The following GSE1 variants were observed in gnomAD, a reference collection of about 807,000 sequenced individuals.
GSE1 encodes the protein genetic suppressor element 1.
Under a neutral mutation model 112.6 loss-of-function variants are expected in GSE1, and 32 were observed. The observed-to-expected ratio is 0.28, with a 90% confidence interval of 0.21 to 0.38. GSE1 has a LOEUF of 0.38. GSE1 is among the 10% of genes least tolerant of loss of function. The pLI is 1.00. For synonymous variants in GSE1, 1,115 were observed against 735.6 expected (o/e 1.52, Z -8.35); for missense variants, 2,348 against 1,699.2 (o/e 1.38, Z -6.71).
chr16:85,471,960 A>C (rs2050309089), intron 2 of GSE1, among the ~76,000 whole-genome samples: 1 of 152,202 alleles, frequency 6.6e-6, no homozygotes, highest in South Asian at 2.1e-4. Flanking sequence ...TTTACACCTT[A>C]AGGCACCGTA....
chr16:85,272,719 G>A (rs906082690), intron 1 of GSE1, among the ~76,000 whole-genome samples: 1 of 150,438 alleles, frequency 6.6e-6, no homozygotes, highest in Admixed American at 6.6e-5. Flanking sequence ...TCCTTGCAAG[G>A]GGGCCCTACT....
chr16:85,627,692 T>C (rs942583819), intron 1 of GSE1, among the ~76,000 whole-genome samples: 3 of 145,880 alleles, frequency 2.1e-5, no homozygotes, highest in Non-Finnish European at 4.5e-5. Flanking sequence ...CCCCCGGCCC[T>C]CATCCGTCAC....
At chr16:85,597,933 G>C (rs1387183416) in intron 1 of GSE1, among the ~76,000 whole-genome samples, 1 of 152,218 alleles carries the variant, frequency 6.6e-6, no homozygotes, top group East Asian at 1.9e-4. Context: ...CCTTTCTTAC[G>C]GGTAGAGATC....
At chr16:85,338,969 G>A (rs2046563943) in intron 1 of GSE1, among the ~76,000 whole-genome samples, 1 of 152,240 alleles carries the variant, frequency 6.6e-6, no homozygotes, top group Non-Finnish European at 1.5e-5. Flanking sequence ...CTCATCCTGT[G>A]AGCGTCGTCG....
intron 2 of GSE1, among the ~76,000 whole-genome samples, chr16:85,638,350 G>A (rs548611276): frequency 2.6e-5 from 4 of 152,318 alleles, no homozygotes; most frequent in African/African-American, 7.2e-5. Context: ...CCGCCCACCA[G>A]CGCGGGCCAG....
chr16:85,478,941 C>T (rs1361205412), intron 2 of GSE1, among the ~76,000 whole-genome samples: 3 of 104,216 alleles, frequency 2.9e-5, no homozygotes, highest in African/African-American at 1.1e-4. Flanking sequence ...TTCTTTCTTT[C>T]TTTCTTTTTT....
rs1385762017 is a variant in GSE1 at position 85,419,515 on chromosome 16, A to G, written c.2464+61872A>G. On this transcript the variant is annotated intron_variant, in intron 2 of 2. Coordinates refer to the GSE1 transcript ENST00000637419. The surrounding 1 kb of genome is among the most constrained non-coding windows in gnomAD (Gnocchi z 6.5). ...TAGCTACTCGGGAGGCTGAGGTGGG[A>G]GGATCGCCTGACCCTGGGAAATCGA... is the stretch of plus-strand genomic sequence containing the variant. Among the ~76,000 whole-genome samples the G allele has an allele frequency of 2.0e-5, 3 of 151,824 alleles. No homozygotes were observed. Among genetic ancestry groups the G allele is most frequent in the Non-Finnish European group, 2.9e-5 (2 of 67,946 alleles).
At chr16:85,296,117 G>C (rs536883135) in intron 1 of GSE1, among the ~76,000 whole-genome samples, 1 of 152,120 alleles carries the variant, frequency 6.6e-6, no homozygotes, top group African/African-American at 2.4e-5. Flanking sequence ...TCAAGGCTGA[G>C]GGGGGATGTG....
At chr16:85,635,980 G>T (rs575450008) in intron 2 of GSE1, among the ~76,000 whole-genome samples, 3 of 152,352 alleles carry the variant, frequency 2.0e-5, no homozygotes, top group African/African-American at 7.2e-5. Context: ...GCCCCATGCT[G>T]CTGGCCCCAG....
intron 2 of GSE1, among the ~76,000 whole-genome samples, chr16:85,540,872 A>T (rs909027892): frequency 4.6e-5 from 7 of 152,132 alleles, no homozygotes; most frequent in African/African-American, 1.7e-4. Flanking sequence ...GCACCACTGC[A>T]CTCCGGCCTG....
chr16:85,358,469 C>T (rs2046998509), intron 2 of GSE1, among the ~76,000 whole-genome samples: 1 of 152,204 alleles, frequency 6.6e-6, no homozygotes, highest in Non-Finnish European at 1.5e-5. Flanking sequence ...GACTTGAGAC[C>T]CCCAGCCCAG....
At chr16:85,599,325 T>A (rs1388733506) in intron 1 of GSE1, among the ~76,000 whole-genome samples, 1 of 152,218 alleles carries the variant, frequency 6.6e-6, no homozygotes, top group Non-Finnish European at 1.5e-5. Context: ...CGAGGTGAGC[T>A]GGTGTCATGG....
intron 1 of GSE1, among the ~76,000 whole-genome samples, chr16:85,349,539 G>A (rs2046810633): frequency 6.6e-6 from 1 of 152,038 alleles, no homozygotes; most frequent in African/African-American, 2.4e-5. Context: ...CCCAGCAGGG[G>A]CAGGGGCCTC....
chr16:85,331,442 C>CGT (rs2046351361), intron 1 of GSE1, among the ~76,000 whole-genome samples: 1 of 93,576 alleles, frequency 1.1e-5, no homozygotes, highest in African/African-American at 4.1e-5. Context: ...TATATATATG[C>CGT]GTATATATGT....
chr16:85,424,391 G>A (rs2048919959), intron 2 of GSE1, among the ~76,000 whole-genome samples: 1 of 152,202 alleles, frequency 6.6e-6, no homozygotes, highest in African/African-American at 2.4e-5. Flanking sequence ...CTGGTGAGAG[G>A]CCAGACCTTC....
intron 2 of GSE1, among the ~76,000 whole-genome samples, chr16:85,647,254 T>C (rs2050951161): frequency 6.6e-6 from 1 of 152,122 alleles, no homozygotes; most frequent in African/African-American, 2.4e-5. Context: ...CTGCCTGCCC[T>C]GCACCCTCCC....
At chr16:85,235,429 T>C (rs1321075450) in intron 1 of GSE1, among the ~76,000 whole-genome samples, 8 of 7,766 alleles carry the variant, frequency 1.0e-3, no homozygotes, top group African/African-American at 2.6e-3. Flanking sequence ...GGAAGGGTAC[T>C]GTGTGTGTGT....
At chr16:85,230,660 T>A (rs905446006) in intron 1 of GSE1, among the ~76,000 whole-genome samples, 2 of 152,190 alleles carry the variant, frequency 1.3e-5, no homozygotes, top group Non-Finnish European at 2.9e-5. Flanking sequence ...TGGGGAGAGA[T>A]TCTTAGCAAA....
chr16:85,567,567 C>G (rs1234259798), intron 1 of GSE1, among the ~76,000 whole-genome samples: 1 of 152,184 alleles, frequency 6.6e-6, no homozygotes, highest in East Asian at 1.9e-4. Flanking sequence ...CATGGCGGCC[C>G]CAGAGCTCCG....
Sources: allele counts gnomAD v4.1 joint callset (sites outside exome capture counted in the v4.1 genomes callset), GRCh38; gene constraint gnomAD v4.1.1; non-coding constraint Gnocchi (gnomAD v3.1); transcripts MANE v1.5; gene names NCBI Gene and HGNC (gene_info 2026-07-23, HGNC 2026-07-21).